NPAS3: variants seen among roughly 807,000 people sequenced by gnomAD.
The protein encoded by NPAS3 is neuronal PAS domain protein 3.
In NPAS3, 14 loss-of-function variants were observed where a neutral mutation model predicts 73.1. That is an observed-to-expected ratio of 0.19 (90% CI 0.13 to 0.30). NPAS3 has a LOEUF of 0.30. Ranked by LOEUF, NPAS3 falls within the 10% of genes least tolerant of loss-of-function variation. NPAS3 has a pLI of 1.00. For missense variants in NPAS3, 1,096 were observed against 1,250.0 expected (o/e 0.88, Z 1.86); for synonymous variants, 620 against 541.5 (o/e 1.14, Z -2.01).
intron 4 of NPAS3, among the ~76,000 whole-genome samples, chr14:33,444,502 C>T (rs1438766714): frequency 6.6e-6 from 1 of 152,152 alleles, no homozygotes; most frequent in African/African-American, 2.4e-5. Flanking sequence ...GAATTAAGGC[C>T]AGTAACTAAG....
intron 5 of NPAS3, among the ~76,000 whole-genome samples, chr14:33,602,335 C>T (rs757149119): frequency 1.1e-4 from 16 of 152,166 alleles, no homozygotes; most frequent in Non-Finnish European, 2.2e-4. Context: ...CATTAAGACT[C>T]GCAGGGCATT....
intron 6 of NPAS3, among the ~76,000 whole-genome samples, chr14:33,681,489 G>A (rs2059936545): frequency 6.6e-6 from 1 of 152,180 alleles, no homozygotes. Flanking sequence ...TGGCCAAGGT[G>A]TTGAGGGAGC....
intron 6 of NPAS3, among the ~76,000 whole-genome samples, chr14:33,683,036 C>A (rs2059983840): frequency 8.1e-6 from 1 of 123,246 alleles, no homozygotes; most frequent in Non-Finnish European, 1.6e-5. Context: ...CACAGTTCTG[C>A]ATGCCATTCT....
intron 1 of NPAS3, among the ~76,000 whole-genome samples, chr14:32,978,861 T>C (rs1343208183): frequency 7.9e-5 from 12 of 152,234 alleles, no homozygotes; most frequent in Admixed American, 7.9e-4. Flanking sequence ...AGTTTCAGGC[T>C]GATATTTTCC....
chr14:33,285,767 C>T (rs1044070543), intron 3 of NPAS3, among the ~76,000 whole-genome samples: 3 of 152,182 alleles, frequency 2.0e-5, no homozygotes, highest in African/African-American at 7.2e-5. Context: ...TGGATTACTC[C>T]CCATTCCCCT....
At chr14:33,064,731 T>C (rs12589047) in intron 2 of NPAS3, among the ~76,000 whole-genome samples, 22,452 of 152,206 alleles carry the variant, frequency 0.15, 1,876 homozygotes, top group South Asian at 0.24. Context: ...AGAACATCAA[T>C]GTTTTTGTAA....
At chr14:32,949,439 G>T (rs1242635950) in intron 1 of NPAS3, among the ~76,000 whole-genome samples, 1 of 151,952 alleles carries the variant, frequency 6.6e-6, no homozygotes, top group African/African-American at 2.4e-5. Flanking sequence ...AGGGTTAATT[G>T]TTACCGCTTC....
chr14:33,544,825 A>ATAATATATATATATATAAT (rs2054747723), intron 4 of NPAS3, among the ~76,000 whole-genome samples: 24 of 112,188 alleles, frequency 2.1e-4, no homozygotes, highest in African/African-American at 8.1e-4. Context: ...TATATAATAT[A>ATAATATATATATATATAAT]TATGTGTATA....
intron 4 of NPAS3, among the ~76,000 whole-genome samples, chr14:33,484,030 A>T (rs1594999327): frequency 6.6e-6 from 1 of 152,358 alleles, no homozygotes; most frequent in Middle Eastern, 3.4e-3. Flanking sequence ...GTTTCTAGGC[A>T]CTAGGAGTAC....
intron 4 of NPAS3, among the ~76,000 whole-genome samples, chr14:33,428,640 G>A (rs2048653801): frequency 6.6e-6 from 1 of 152,238 alleles, no homozygotes; most frequent in South Asian, 2.1e-4. Flanking sequence ...TTAAGTGGAT[G>A]TTTACAGGTG....
At chr14:33,799,912 G>A (rs372667593) in exon 12 of NPAS3, 322 of 1,614,066 alleles carry the variant, frequency 2.0e-4, no homozygotes, top group Non-Finnish European at 2.2e-4. Context: ...TCGAGCACTC[G>A]GACTTTGAGA....
intron 2 of NPAS3, among the ~76,000 whole-genome samples, chr14:33,199,918 A>G (rs1468615370): frequency 6.6e-6 from 1 of 152,142 alleles, no homozygotes; most frequent in Non-Finnish European, 1.5e-5. Context: ...GACATACTCT[A>G]TATGCAAGAC....
At chr14:32,964,160 T>TA (rs34380538) in intron 1 of NPAS3, among the ~76,000 whole-genome samples, 27,437 of 75,348 alleles carry the variant, frequency 0.36, 5,648 homozygotes, top group African/African-American at 0.47. Flanking sequence ...TTTGCTGCAC[T>TA]AAAAAAAAAA....
chr14:33,114,855 A>G (rs1393881614), intron 2 of NPAS3, among the ~76,000 whole-genome samples: 1 of 152,194 alleles, frequency 6.6e-6, no homozygotes, highest in Non-Finnish European at 1.5e-5. Flanking sequence ...TAGAGAGTTT[A>G]TATGTATTAG....
intron 2 of NPAS3, among the ~76,000 whole-genome samples, chr14:33,175,484 G>A (rs952271953): frequency 1.3e-5 from 2 of 152,202 alleles, no homozygotes; most frequent in South Asian, 2.1e-4. Flanking sequence ...AATGGAAGCG[G>A]TGTTTAAATG....
intron 7 of NPAS3, among the ~76,000 whole-genome samples, chr14:33,758,138 C>T (rs141238248): frequency 1.3e-5 from 2 of 152,178 alleles, no homozygotes; most frequent in African/African-American, 2.4e-5. Flanking sequence ...CTCCTTTGTA[C>T]AGCATTCATA....
At chr14:33,572,578 A>G (rs1029592043) in intron 5 of NPAS3, among the ~76,000 whole-genome samples, 1 of 152,166 alleles carries the variant, frequency 6.6e-6, no homozygotes, top group African/African-American at 2.4e-5. Flanking sequence ...TAGCGTTTAA[A>G]CCCAGCCCAC....
At chr14:33,664,216 A>AT (rs2059388895) in intron 5 of NPAS3, among the ~76,000 whole-genome samples, 2 of 152,320 alleles carry the variant, frequency 1.3e-5, no homozygotes, top group East Asian at 3.9e-4. Flanking sequence ...ATAACGCTGC[A>AT]TATCTACAAC....
intron 5 of NPAS3, among the ~76,000 whole-genome samples, chr14:33,573,040 A>AAAAG (rs2056289680): frequency 6.6e-6 from 1 of 151,848 alleles, no homozygotes; most frequent in East Asian, 1.9e-4. Flanking sequence ...AAAAAAAAAA[A>AAAAG]AAAGTTAATT....
Sources: allele counts gnomAD v4.1 joint callset (sites outside exome capture counted in the v4.1 genomes callset), GRCh38; gene constraint gnomAD v4.1.1; transcripts MANE v1.5; gene names NCBI Gene and HGNC (gene_info 2026-07-23, HGNC 2026-07-21).